The following MAGI3 variants were observed in gnomAD, a reference collection of about 807,000 sequenced individuals.
The protein encoded by MAGI3 is membrane associated guanylate kinase, WW and PDZ domain containing 3, also known as membrane-associated guanylate kinase, WW and PDZ domain-containing protein 3.
In MAGI3, 43 loss-of-function variants were observed where a neutral mutation model predicts 121.8. That is an observed-to-expected ratio of 0.35 (90% CI 0.28 to 0.46). MAGI3 has a LOEUF of 0.46. Among genes scored for constraint, MAGI3 ranks in the 20% least tolerant of loss-of-function variants. The pLI, the probability that MAGI3 is intolerant of heterozygous loss-of-function variation, is 1.00. For synonymous variants in MAGI3, 553 were observed against 639.3 expected (o/e 0.86, Z 2.04); for missense variants, 1,547 against 1,797.3 (o/e 0.86, Z 2.52).
At chr1:113,598,637 T>G (rs1649171779) in intron 6 of MAGI3, among the ~76,000 whole-genome samples, 1 of 151,988 alleles carries the variant, frequency 6.6e-6, no homozygotes, top group South Asian at 2.1e-4. Context: ...ATTGCAATAC[T>G]AAATATATAT....
chr1:113,668,073 T>C (rs1286815066), intron 16 of MAGI3, among the ~76,000 whole-genome samples: 6 of 152,176 alleles, frequency 3.9e-5, no homozygotes, highest in Admixed American at 2.6e-4. Flanking sequence ...CAAAGATCAC[T>C]GACCACAGAT....
chr1:113,627,499 T>C (rs1352270317), intron 9 of MAGI3, among the ~76,000 whole-genome samples: 1 of 151,214 alleles, frequency 6.6e-6, no homozygotes, highest in African/African-American at 2.4e-5. Context: ...GTCTGGAAGA[T>C]CTAATGCTGA....
intron 16 of MAGI3, among the ~76,000 whole-genome samples, chr1:113,666,169 A>G (rs1194685798): frequency 1.3e-5 from 2 of 152,194 alleles, no homozygotes; most frequent in Admixed American, 1.3e-4. Context: ...GGTGGTAGTT[A>G]CTGAAGGTTG....
chr1:113,633,563 A>T (rs925394473), intron 9 of MAGI3, among the ~76,000 whole-genome samples: 15 of 149,854 alleles, frequency 1.0e-4, no homozygotes, highest in African/African-American at 3.2e-4. Flanking sequence ...GCCCAGCCGA[A>T]CTCATCATTT....
chr1:113,517,150 A>G (rs1657957265), intron 1 of MAGI3, among the ~76,000 whole-genome samples: 1 of 151,916 alleles, frequency 6.6e-6, no homozygotes, highest in Non-Finnish European at 1.5e-5. Flanking sequence ...AAATTAGGAA[A>G]TTTGAATAAA....
intron 2 of MAGI3, among the ~76,000 whole-genome samples, chr1:113,564,104 G>T (rs1458553169): frequency 1.3e-5 from 2 of 152,164 alleles, no homozygotes; most frequent in Non-Finnish European, 2.9e-5. Context: ...TTGCCATGTG[G>T]TTTCTCTCTC....
At chr1:113,557,668 A>G (rs936255540) in intron 2 of MAGI3, among the ~76,000 whole-genome samples, 7 of 152,176 alleles carry the variant, frequency 4.6e-5, no homozygotes, top group African/African-American at 1.7e-4. Flanking sequence ...GAGAGCCCAG[A>G]CCAATAGGGA....
chr1:113,469,399 A>G (rs777001864), intron 1 of MAGI3, among the ~76,000 whole-genome samples: 8 of 152,112 alleles, frequency 5.3e-5, no homozygotes, highest in Non-Finnish European at 8.8e-5. Flanking sequence ...GCAGTTTTGG[A>G]CTTGGGGGAC....
intron 1 of MAGI3, among the ~76,000 whole-genome samples, chr1:113,437,707 C>T (rs1405327168): frequency 3.3e-5 from 5 of 151,144 alleles, no homozygotes; most frequent in African/African-American, 9.7e-5. Context: ...CCTTCCTCCT[C>T]GTCTTCCTCC....
At chr1:113,650,730 G>A (rs1653114145) in intron 13 of MAGI3, among the ~76,000 whole-genome samples, 1 of 152,138 alleles carries the variant, frequency 6.6e-6, no homozygotes, top group Non-Finnish European at 1.5e-5. Context: ...TGTAATGATA[G>A]GGATAATGGT....
At chr1:113,556,177 A>T (rs1472548805) in intron 2 of MAGI3, among the ~76,000 whole-genome samples, 1 of 152,168 alleles carries the variant, frequency 6.6e-6, no homozygotes, top group African/African-American at 2.4e-5. Flanking sequence ...AAAAAGAAGG[A>T]GGAAAATACT....
intron 1 of MAGI3, among the ~76,000 whole-genome samples, chr1:113,545,667 T>C (rs1659503924): frequency 6.6e-6 from 1 of 152,224 alleles, no homozygotes; most frequent in South Asian, 2.1e-4. Context: ...AGTTCCTGGA[T>C]TTATTCATGA....
chr1:113,672,478 A>G (rs1429475318), intron 17 of MAGI3, 137 bp from the exon 18 acceptor site: 1 of 825,700 alleles, frequency 1.2e-6, no homozygotes, highest in Non-Finnish European at 1.8e-6. Flanking sequence ...CTGATTTTAG[A>G]TATAGTCTGT....
intron 1 of MAGI3, among the ~76,000 whole-genome samples, chr1:113,496,275 A>G (rs1656914221): frequency 6.6e-6 from 1 of 152,190 alleles, no homozygotes; most frequent in Non-Finnish European, 1.5e-5. Context: ...TGCCAGGGGT[A>G]AGGTTTCTGG....
chr1:113,508,623 T>C (rs1406305815), intron 1 of MAGI3, among the ~76,000 whole-genome samples: 1 of 152,164 alleles, frequency 6.6e-6, no homozygotes, highest in Non-Finnish European at 1.5e-5. Context: ...ATGGGAGAGA[T>C]GTGAGTGCTG....
At chr1:113,654,064 T>G in intron 15 of MAGI3, 46 bp downstream of exon 15, 1 of 1,475,176 alleles carries the variant, frequency 6.8e-7, no homozygotes, top group Non-Finnish European at 9.2e-7. Flanking sequence ...AGTCCAGTTT[T>G]CTGAGGCTCC....
chr1:113,591,856 C>G (rs1031724161), intron 5 of MAGI3, among the ~76,000 whole-genome samples: 1 of 152,042 alleles, frequency 6.6e-6, no homozygotes, highest in South Asian at 2.1e-4. Flanking sequence ...CAGTACTTCA[C>G]CCTGCAAACA....
intron 1 of MAGI3, among the ~76,000 whole-genome samples, chr1:113,449,288 T>G (rs1439748202): frequency 4.0e-5 from 6 of 151,876 alleles, no homozygotes; most frequent in Admixed American, 3.9e-4. Flanking sequence ...AATGCATGAG[T>G]GGTGAATTTC....
chr1:113,628,295 A>C (rs1289183874), intron 9 of MAGI3, among the ~76,000 whole-genome samples: 1 of 152,210 alleles, frequency 6.6e-6, no homozygotes, highest in African/African-American at 2.4e-5. Context: ...GCAAACAAGC[A>C]AAAAGAAAAT....
Sources: gnomAD v4.1 joint callset for allele counts (sites outside exome capture counted in the v4.1 genomes callset) on GRCh38, gnomAD v4.1.1 for gene constraint, MANE v1.5 for transcripts, NCBI Gene and HGNC (gene_info 2026-07-23, HGNC 2026-07-21) for gene names.